MYO3B: variants seen among roughly 807,000 people sequenced by gnomAD.
MYO3B encodes myosin-IIIb.
Under a neutral mutation model 174.6 loss-of-function variants are expected in MYO3B, and 156 were observed. The observed-to-expected ratio is 0.89, with a 90% CI of 0.78 to 1.02. MYO3B has a LOEUF of 1.02. Ranked by LOEUF, MYO3B falls within the 50% of genes least tolerant of loss-of-function variation. The pLI is 0.00. For synonymous variants in MYO3B, 563 were observed against 569.1 expected, an observed-to-expected ratio of 0.99 and a Z score of 0.15; for missense variants, 1,632 against 1,639.4, an observed-to-expected ratio of 1.00 and a Z score of 0.08.
chr2:170,301,645 G>T (rs1191507962), intron 7 of MYO3B, among the ~76,000 whole-genome samples: 1 of 152,168 alleles, frequency 6.6e-6, no homozygotes, highest in Non-Finnish European at 1.5e-5. Context: ...ATGGCTGGGA[G>T]TAGATGGGTG....
At chr2:170,425,201 C>G (rs1016162406) in intron 22 of MYO3B, among the ~76,000 whole-genome samples, 1 of 144,680 alleles carries the variant, frequency 6.9e-6, no homozygotes, top group Non-Finnish European at 1.5e-5. Flanking sequence ...ACATTTTTCC[C>G]CAGGAATTTA....
At chr2:170,368,888 T>C (rs887426992) in intron 8 of MYO3B, among the ~76,000 whole-genome samples, 1 of 152,228 alleles carries the variant, frequency 6.6e-6, no homozygotes, top group Non-Finnish European at 1.5e-5. Context: ...TTGACTCCAC[T>C]GAAAATATTT....
At chr2:170,326,097 A>G (rs1042497086) in intron 7 of MYO3B, among the ~76,000 whole-genome samples, 4 of 150,334 alleles carry the variant, frequency 2.7e-5, no homozygotes, top group African/African-American at 7.3e-5. Flanking sequence ...CCTCCCCCAT[A>G]CCACTGTGGT....
At chr2:170,607,068 ACTCTT>A (rs1411711855) in intron 32 of MYO3B, among the ~76,000 whole-genome samples, 2 of 152,034 alleles carry the variant, frequency 1.3e-5, no homozygotes, top group South Asian at 2.1e-4. Context: ...TAATAAATAT[ACTCTT>A]CTCTTAATAA....
rs77748657 is a variant in MYO3B at position 170,427,258 on chromosome 2, T to C, written c.2651-16709T>C. Among the ~76,000 whole-genome samples, 1,202 of 152,276 alleles carry C rather than the reference T, an allele frequency of 7.9e-3. 25 individuals carry two copies. The highest frequency in any genetic ancestry group is 0.027 in the African/African-American group (1,126 of 41,562). ...AATCTTTGTTGGCCTTTATTCTCAA[T>C]AGGTTTCACTCTTTCAAAAAAAAAT... On this transcript the variant is annotated intron_variant, in intron 22 of 34. Transcript: ENST00000408978.
intron 7 of MYO3B, among the ~76,000 whole-genome samples, chr2:170,248,516 G>A (rs1242092470): frequency 6.6e-6 from 1 of 152,154 alleles, no homozygotes; most frequent in Non-Finnish European, 1.5e-5. Context: ...GTCTCCCTGG[G>A]CTAAAATCAA....
chr2:170,507,310 A>G (rs1687675180), intron 28 of MYO3B, among the ~76,000 whole-genome samples: 1 of 152,124 alleles, frequency 6.6e-6, no homozygotes, highest in Non-Finnish European at 1.5e-5. Context: ...CTTCAGTCCT[A>G]GGCGAGGGGT....
At chr2:170,437,031 T>C (rs1240339607) in intron 22 of MYO3B, among the ~76,000 whole-genome samples, 1 of 152,188 alleles carries the variant, frequency 6.6e-6, no homozygotes, top group Non-Finnish European at 1.5e-5. Flanking sequence ...AGTTGTCTTG[T>C]TGAATCCCCA....
chr2:170,228,327 C>T (rs2092974634), intron 6 of MYO3B, among the ~76,000 whole-genome samples: 1 of 152,166 alleles, frequency 6.6e-6, no homozygotes, highest in Non-Finnish European at 1.5e-5. Context: ...TCAGTTTTCT[C>T]TTCTGTAAAA....
chr2:170,397,286 T>G (rs984567641), intron 16 of MYO3B, among the ~76,000 whole-genome samples: 2 of 152,170 alleles, frequency 1.3e-5, no homozygotes, highest in Non-Finnish European at 1.5e-5. Context: ...CTGTGTTCCT[T>G]TTTTTGGCTT....
intron 25 of MYO3B, among the ~76,000 whole-genome samples, chr2:170,472,935 G>A (rs1257439873): frequency 6.6e-6 from 1 of 151,468 alleles, no homozygotes; most frequent in Non-Finnish European, 1.5e-5. Context: ...TCCTGAGCTC[G>A]AGCAATCTGT....
intron 27 of MYO3B, 36 bp from the exon 28 acceptor site, chr2:170,501,749 T>C: frequency 7.0e-7 from 1 of 1,429,148 alleles, no homozygotes; most frequent in Non-Finnish European, 9.9e-7. Context: ...GTTCTTAAAT[T>C]AATGTCATTC....
At chr2:170,495,902 C>T (rs1329391189) in intron 25 of MYO3B, among the ~76,000 whole-genome samples, 2 of 152,190 alleles carry the variant, frequency 1.3e-5, no homozygotes, top group Non-Finnish European at 2.9e-5. Flanking sequence ...TTGCTGTGGC[C>T]AAAGCCAAGT....
chr2:170,240,090 A>G (rs1261753376), intron 7 of MYO3B, among the ~76,000 whole-genome samples: 1 of 152,162 alleles, frequency 6.6e-6, no homozygotes, highest in African/African-American at 2.4e-5. Flanking sequence ...ACATAGACTT[A>G]GGGCTTATCC....
At chr2:170,210,203 CA>C (rs1192707360) in intron 3 of MYO3B, among the ~76,000 whole-genome samples, 3 of 152,098 alleles carry the variant, frequency 2.0e-5, no homozygotes, top group Non-Finnish European at 4.4e-5. Context: ...GCTCAATTTA[CA>C]AAAAAACTAT....
chr2:170,556,374 G>T (rs943406081), intron 32 of MYO3B, among the ~76,000 whole-genome samples: 1 of 152,268 alleles, frequency 6.6e-6, no homozygotes, highest in African/African-American at 2.4e-5. Flanking sequence ...TTACTGGATT[G>T]TGTGGTAAGA....
chr2:170,246,558 A>G (rs906666910), intron 7 of MYO3B, among the ~76,000 whole-genome samples: 1 of 151,968 alleles, frequency 6.6e-6, no homozygotes, highest in Admixed American at 6.6e-5. Context: ...ACACACACAC[A>G]CACACACACG....
At chr2:170,379,288 G>A (rs867191052) in intron 9 of MYO3B, among the ~76,000 whole-genome samples, 9 of 150,554 alleles carry the variant, frequency 6.0e-5, no homozygotes, top group South Asian at 4.2e-4. Flanking sequence ...TCTGCCTCCC[G>A]GGTTCAAGCA....
intron 30 of MYO3B, among the ~76,000 whole-genome samples, chr2:170,530,665 AG>A (rs374218019): frequency 2.5e-4 from 38 of 152,172 alleles, no homozygotes; most frequent in African/African-American, 8.9e-4. Context: ...TTTTATTTTT[AG>A]TTTGTTCCTC....
Sources: allele counts gnomAD v4.1 joint callset (sites outside exome capture counted in the v4.1 genomes callset), GRCh38; gene constraint gnomAD v4.1.1; transcripts MANE v1.5; gene names NCBI Gene and HGNC (gene_info 2026-07-23, HGNC 2026-07-21).